The following STX18 variants were observed in gnomAD, a reference collection of about 807,000 sequenced individuals.
STX18 encodes the protein syntaxin 18.
STX18 carries 40 observed loss-of-function variants against 50.1 expected under a neutral mutation model. That is an observed-to-expected ratio of 0.80 (90% CI 0.62 to 1.04). The LOEUF (loss-of-function observed/expected upper bound fraction) is 1.04, where lower values mean the gene tolerates loss of function less well. Ranked by LOEUF, STX18 falls within the 50% of genes least tolerant of loss-of-function variation. STX18 has a pLI of 0.00. For synonymous variants in STX18, 158 were observed against 151.8 expected (o/e 1.04, Z -0.30); for missense variants, 410 against 415.8 (o/e 0.99, Z 0.12).
intron 5 of STX18, among the ~76,000 whole-genome samples, chr4:4,451,682 A>G (rs1726760150): frequency 6.6e-6 from 1 of 152,182 alleles, no homozygotes; most frequent in African/African-American, 2.4e-5. Context: ...AAGCACGTTC[A>G]CATAAGACAG....
chr4:4,501,137 T>G (rs983577491), intron 1 of STX18, among the ~76,000 whole-genome samples: 8 of 152,368 alleles, frequency 5.3e-5, no homozygotes, highest in African/African-American at 1.9e-4. Flanking sequence ...AAGGACAAAT[T>G]ATGCTGTAAT....
At chr4:4,501,279 G>A (rs190202015) in intron 1 of STX18, among the ~76,000 whole-genome samples, 15 of 152,182 alleles carry the variant, frequency 9.9e-5, no homozygotes, top group Non-Finnish European at 1.9e-4. Context: ...CTAAAATATA[G>A]CCACATTTTT....
chr4:4,496,928 C>T (rs1454480763), intron 1 of STX18, among the ~76,000 whole-genome samples: 1 of 152,170 alleles, frequency 6.6e-6, no homozygotes, highest in Non-Finnish European at 1.5e-5. Context: ...AGAACTCCTT[C>T]ATAAGGCCAG....
In STX18 at chr4:4,457,229, T is replaced by C. The variant is rs1560173232; in HGVS notation, c.459A>G (p.Arg153=). The change falls in exon 5 of 11, where the codon AGA becomes AGG. Residue 153 remains arginine, a synonymous_variant. Transcript: ENST00000306200. ...CCACCACTCTTTTAACTCGGATGGC[T>C]CTCTGTTCTGAGTAAAGTTTACATA... ...KRVCKLYSEQ[R]AIRVKRVVDK... 6.2e-7 allele frequency: 1 copy of C among 1,614,128 alleles called. No homozygotes were observed. Among genetic ancestry groups the C allele is most frequent in the Admixed American group, 1.7e-5 (1 of 60,028 alleles).
chr4:4,494,399 T>C (rs898178004), intron 1 of STX18, among the ~76,000 whole-genome samples: 2 of 152,068 alleles, frequency 1.3e-5, no homozygotes, highest in Non-Finnish European at 2.9e-5. Context: ...ACAGCATACT[T>C]TCAAGTGATT....
At chr4:4,523,473 G>A (rs1425594179) in intron 1 of STX18, among the ~76,000 whole-genome samples, 2 of 152,114 alleles carry the variant, frequency 1.3e-5, no homozygotes, top group African/African-American at 2.4e-5. Context: ...CCTGGGAAAC[G>A]TGTCCCTTGG....
At chr4:4,539,551 C>T (rs913805934) in intron 1 of STX18, among the ~76,000 whole-genome samples, 2 of 152,200 alleles carry the variant, frequency 1.3e-5, no homozygotes, top group African/African-American at 2.4e-5. Flanking sequence ...GTTTCCTCTA[C>T]GTCAGGGGGA....
intron 1 of STX18, among the ~76,000 whole-genome samples, chr4:4,477,090 CA>C (rs915291666): frequency 1.7e-4 from 26 of 151,496 alleles, no homozygotes; most frequent in Non-Finnish European, 3.4e-4. Context: ...CAAAACAAAA[CA>C]AAAAAACTAG....
At chr4:4,537,960 T>C (rs1333018387) in intron 1 of STX18, among the ~76,000 whole-genome samples, 1 of 152,184 alleles carries the variant, frequency 6.6e-6, no homozygotes, top group Non-Finnish European at 1.5e-5. Flanking sequence ...GAGAGCAGCA[T>C]TAAACCAGGT....
chr4:4,495,558 C>CT, intron 1 of STX18, among the ~76,000 whole-genome samples: 1 of 130,756 alleles, frequency 7.6e-6, no homozygotes, highest in African/African-American at 3.0e-5. Context: ...AATTTTTTTT[C>CT]TTTTCTTTTT....
chr4:4,527,867 C>CACAT (rs372566368), intron 1 of STX18, among the ~76,000 whole-genome samples: 1 of 137,206 alleles, frequency 7.3e-6, no homozygotes, highest in African/African-American at 2.6e-5. Flanking sequence ...CACACACACA[C>CACAT]ATATATATAT....
chr4:4,421,857 G>A (rs1054160819), intron 9 of STX18, among the ~76,000 whole-genome samples: 2 of 152,152 alleles, frequency 1.3e-5, no homozygotes, highest in Non-Finnish European at 2.9e-5. Context: ...TACAGAAAAC[G>A]TTTACTCCAA....
intron 1 of STX18, among the ~76,000 whole-genome samples, chr4:4,472,154 T>C (rs530455754): frequency 3.3e-5 from 5 of 152,332 alleles, no homozygotes; most frequent in African/African-American, 9.6e-5. Context: ...AAAGCAAAGA[T>C]TCAGGGGTAA....
rs1172775388 is a variant in STX18, at chr4:4,420,103, G to A, written c.939C>T (p.Arg313=). ...TCACGAGGAAGAAGAGGATCCACACGCGGAAGCCAGCGTTGTTTTTAATGG... is the reference window on the plus strand; with the variant it reads ...TCACGAGGAAGAAGAGGATCCACACACGGAAGCCAGCGTTGTTTTTAATGG... ...REAIKNNAGF[R]VWILFFLVMC... The change falls in exon 11 of 11, where the codon CGC becomes CGT. Residue 313 remains arginine (R), a synonymous_variant. Transcript: ENST00000306200. The surrounding 1 kb of genome is among the most constrained non-coding windows in gnomAD (Gnocchi z 4.3). 5 of 1,612,910 alleles carry A rather than the reference G, an allele frequency of 3.1e-6. No individual in the cohort carries two copies. The highest frequency in any genetic ancestry group is 1.1e-5 in the South Asian group (1 of 90,750).
intron 1 of STX18, among the ~76,000 whole-genome samples, chr4:4,531,754 G>C (rs187038581): frequency 6.6e-6 from 1 of 152,194 alleles, no homozygotes; most frequent in Non-Finnish European, 1.5e-5. Context: ...ATCCAGAACT[G>C]GTAATAAGTC....
At chr4:4,542,067 T>C, upstream of STX18, 1 of 1,270,816 alleles carries the variant, frequency 7.9e-7, no homozygotes, top group Non-Finnish European at 1.0e-6. Flanking sequence ...CCCACACGCC[T>C]CCCCCCGGCA....
At chr4:4,509,752 A>G (rs370506596) in intron 1 of STX18, among the ~76,000 whole-genome samples, 1 of 151,876 alleles carries the variant, frequency 6.6e-6, no homozygotes, top group African/African-American at 2.4e-5. Flanking sequence ...GGTGAATTCT[A>G]ATTTTCAACA....
chr4:4,444,700 G>GTC (rs1560167160), intron 5 of STX18, among the ~76,000 whole-genome samples: 15 of 151,870 alleles, frequency 9.9e-5, no homozygotes, highest in Non-Finnish European at 1.5e-4. Context: ...TGAGTTCCAT[G>GTC]AGTTCTTCTA....
intron 5 of STX18, among the ~76,000 whole-genome samples, chr4:4,445,840 T>C (rs760164118): frequency 9.2e-5 from 14 of 152,178 alleles, no homozygotes; most frequent in Non-Finnish European, 1.9e-4. Flanking sequence ...ATTCTAAAAT[T>C]GATATGGAAA....
Sources: gnomAD v4.1 joint callset for allele counts (sites outside exome capture counted in the v4.1 genomes callset) on GRCh38, gnomAD v4.1.1 for gene constraint, Gnocchi (gnomAD v3.1) non-coding constraint, MANE v1.5 for transcripts, NCBI Gene and HGNC (gene_info 2026-07-23, HGNC 2026-07-21) for gene names.